EXOC4: variants seen among roughly 807,000 people sequenced by gnomAD.
EXOC4 encodes the protein SEC8-like 1.
EXOC4 carries 71 observed loss-of-function variants against 107.2 expected under a neutral mutation model. The ratio of observed to expected loss-of-function variants is 0.66; its 90% CI spans 0.55 to 0.81. The LOEUF (loss-of-function observed/expected upper bound fraction) is 0.81. Among genes scored for constraint, EXOC4 ranks in the 30% least tolerant of loss-of-function variants. The pLI, the probability that EXOC4 is intolerant of heterozygous loss-of-function variation, is 0.00. For missense variants in EXOC4, 1,108 were observed against 1,189.6 expected (o/e 0.93, Z 1.01); for synonymous variants, 456 against 441.2 (o/e 1.03, Z -0.42).
chr7:133,495,859 T>C (rs1440170459), intron 9 of EXOC4, among the ~76,000 whole-genome samples: 1 of 152,188 alleles, frequency 6.6e-6, no homozygotes, highest in Non-Finnish European at 1.5e-5. Context: ...CATAGGCATG[T>C]GTTTGGCTTT....
chr7:133,396,352 C>T (rs1193599163), intron 7 of EXOC4: 1 of 152,182 alleles, frequency 6.6e-6, no homozygotes, highest in Admixed American at 6.5e-5. Flanking sequence ...CATAACACTT[C>T]GGAGAGCCTG....
chr7:133,622,081 C>G (rs1251687890), intron 9 of EXOC4, among the ~76,000 whole-genome samples: 1 of 152,122 alleles, frequency 6.6e-6, no homozygotes, highest in Non-Finnish European at 1.5e-5. Flanking sequence ...CTCAAGCTAT[C>G]TTCCTGCCTC....
chr7:133,503,316 C>A (rs1288738747), intron 9 of EXOC4, among the ~76,000 whole-genome samples: 1 of 152,026 alleles, frequency 6.6e-6, no homozygotes. Context: ...CAGAATACAC[C>A]AAAAATGAAT....
rs1436550480 is a variant in EXOC4, at chr7:134,012,555, T to A, written c.2687+4720T>A. ...AGTGTGTGGAGGGCGGAGAGGGGGT[T>A]CAGATAGAGAGGGGATAACAAGAAA... On this transcript the variant is annotated intron_variant, in intron 17 of 17. Coordinates refer to ENST00000253861, the MANE Select transcript of EXOC4 (RefSeq NM_021807.4). Among the ~76,000 whole-genome samples, 3 of 152,080 alleles carry A rather than the reference T, an allele frequency of 2.0e-5. No individual in the cohort carries two copies. The East Asian group carries it at 5.8e-4, about 29-fold the overall frequency.
chr7:133,614,060 G>C (rs916976299), intron 9 of EXOC4, among the ~76,000 whole-genome samples: 2 of 152,130 alleles, frequency 1.3e-5, no homozygotes, highest in Non-Finnish European at 2.9e-5. Flanking sequence ...GACAGCAGAT[G>C]AGTTCCCAAA....
At chr7:133,429,106 A>G (rs1175799481) in intron 7 of EXOC4, among the ~76,000 whole-genome samples, 1 of 152,176 alleles carries the variant, frequency 6.6e-6, no homozygotes, top group African/African-American at 2.4e-5. Flanking sequence ...TTGGAAGAAC[A>G]ATGATGAAGG....
intron 11 of EXOC4, among the ~76,000 whole-genome samples, chr7:133,823,910 TAAA>T (rs1220775041): frequency 1.0e-4 from 3 of 29,172 alleles, no homozygotes; most frequent in East Asian, 8.2e-4. Flanking sequence ...TATATATATA[TAAA>T]TATATATATA....
chr7:133,319,401 G>C (rs1288711441), intron 5 of EXOC4, among the ~76,000 whole-genome samples: 1 of 152,168 alleles, frequency 6.6e-6, no homozygotes, highest in Non-Finnish European at 1.5e-5. Context: ...GGTATTATTA[G>C]GAATTACTGT....
At chr7:133,720,296 A>T (rs914435581) in intron 10 of EXOC4, among the ~76,000 whole-genome samples, 1 of 152,216 alleles carries the variant, frequency 6.6e-6, no homozygotes, top group East Asian at 1.9e-4. Flanking sequence ...TTGCCAATAC[A>T]TAATAGGTTA....
At chr7:133,903,819 T>C (rs1000540078) in intron 12 of EXOC4, among the ~76,000 whole-genome samples, 1 of 152,112 alleles carries the variant, frequency 6.6e-6, no homozygotes, top group Non-Finnish European at 1.5e-5. Flanking sequence ...ACCATGGACT[T>C]TTATGAAGTT....
chr7:133,542,369 C>T (rs552495515), intron 9 of EXOC4, among the ~76,000 whole-genome samples: 1 of 152,244 alleles, frequency 6.6e-6, no homozygotes, highest in African/African-American at 2.4e-5. Flanking sequence ...TAGATTCTTC[C>T]TATCCTCTCT....
chr7:133,746,556 A>C (rs1795681615), intron 10 of EXOC4, among the ~76,000 whole-genome samples: 1 of 152,148 alleles, frequency 6.6e-6, no homozygotes, highest in East Asian at 1.9e-4. Context: ...CAGATATGCC[A>C]GTGAGAGGAA....
chr7:133,390,290 A>G (rs901616833), intron 7 of EXOC4, among the ~76,000 whole-genome samples: 1 of 152,094 alleles, frequency 6.6e-6, no homozygotes, highest in Non-Finnish European at 1.5e-5. Flanking sequence ...AAAATATTAC[A>G]CTGTCTTTAG....
chr7:133,770,509 T>A (rs764828363), intron 10 of EXOC4, among the ~76,000 whole-genome samples: 1 of 151,966 alleles, frequency 6.6e-6, no homozygotes, highest in Non-Finnish European at 1.5e-5. Flanking sequence ...ACATTGAAAG[T>A]AAGCTTTAGC....
At chr7:133,259,630 A>G (rs1421750799) in intron 1 of EXOC4, among the ~76,000 whole-genome samples, 2 of 152,332 alleles carry the variant, frequency 1.3e-5, no homozygotes, top group East Asian at 3.9e-4. Context: ...CTCTCATGAT[A>G]AATAATTCAA....
rs116462543 is a variant in EXOC4, at chr7:133,834,426, T to C, written c.1734+16882T>C. ...CGGGATTAGTTTAGATTGTACAACC[T>C]TACCCTGGCCAATGAGGAAAGGGTA... On this transcript the variant is annotated intron_variant, in intron 11 of 17. Coordinates refer to ENST00000253861, the MANE Select transcript of EXOC4 (RefSeq NM_021807.4). Among the ~76,000 whole-genome samples the C allele has an allele frequency of 2.4e-3, 365 of 152,306 alleles. 5 individuals carry two copies. The highest frequency in any genetic ancestry group is 8.2e-3 in the African/African-American group (341 of 41,570).
intron 3 of EXOC4, 104 bp downstream of exon 3, chr7:133,289,220 C>A (rs1484592551): frequency 1.4e-5 from 13 of 958,954 alleles, no homozygotes; most frequent in Non-Finnish European, 2.0e-5. Context: ...TACAAACTGC[C>A]CTCTTGGGAT....
At chr7:133,684,868 A>T (rs1172307313) in intron 10 of EXOC4, among the ~76,000 whole-genome samples, 2 of 152,156 alleles carry the variant, frequency 1.3e-5, no homozygotes. Flanking sequence ...TTGGGCCTGT[A>T]CAAGAGGGGA....
chr7:133,971,388 A>AGAGAGAGG (rs1801230314), intron 14 of EXOC4, among the ~76,000 whole-genome samples: 1 of 143,456 alleles, frequency 7.0e-6, no homozygotes, highest in African/African-American at 2.6e-5. Context: ...AGAGAGAGAG[A>AGAGAGAGG]GAGAGAGAGA....
Sources: gnomAD v4.1 joint callset for allele counts (sites outside exome capture counted in the v4.1 genomes callset) on GRCh38, gnomAD v4.1.1 for gene constraint, MANE v1.5 for transcripts, NCBI Gene and HGNC (gene_info 2026-07-23, HGNC 2026-07-21) for gene names.